Variants in KCNMA1 observed in about 807,000 individuals in gnomAD.
The protein encoded by KCNMA1 is potassium calcium-activated channel subfamily M alpha 1.
In KCNMA1, 29 loss-of-function variants were observed where a neutral mutation model predicts 140.0. That is an observed-to-expected ratio of 0.21 (90% confidence interval 0.15 to 0.28). The LOEUF (loss-of-function observed/expected upper bound fraction) is 0.28, where lower values mean the gene tolerates loss of function less well. Ranked by LOEUF, KCNMA1 falls within the 10% of genes least tolerant of loss-of-function variation. The pLI, the probability that KCNMA1 is intolerant of heterozygous loss-of-function variation, is 1.00. For missense variants in KCNMA1, 880 were observed against 1,602.2 expected, an observed-to-expected ratio of 0.55 and a Z score of 7.70; for synonymous variants, 612 against 611.9, an observed-to-expected ratio of 1.00 and a Z score of 0.00.
chr10:76,892,044 T>G (rs1338667477), intron 25 of KCNMA1, among the ~76,000 whole-genome samples: 1 of 152,166 alleles, frequency 6.6e-6, no homozygotes, highest in Non-Finnish European at 1.5e-5. Context: ...TCCTAAAGTC[T>G]ACGTGACTAC....
chr10:77,412,670 C>T lies in KCNMA1; in HGVS notation c.379-8647G>A, dbSNP rs190002275. Among the ~76,000 whole-genome samples, 8 of 152,248 alleles carry T rather than the reference C, an allele frequency of 5.3e-5. No individual in the cohort carries two copies. The East Asian group carries it at 1.5e-3, about 29-fold the overall frequency. ...TGAGGTGCCCCAGGGGGGCTGGTTA[C>T]CAAGGGAGGGCAGAGGAGGCAGGGC... is the stretch of plus-strand genomic sequence containing the variant. On this transcript the variant is annotated intron_variant, in intron 1 of 27. Transcript: ENST00000286628.
intron 19 of KCNMA1, among the ~76,000 whole-genome samples, chr10:76,989,284 C>T (rs775309779): frequency 1.4e-4 from 22 of 152,124 alleles, no homozygotes; most frequent in Admixed American, 6.6e-4. Context: ...TGTCCCTGTG[C>T]GCCCAGTTCC....
At chr10:77,121,719 G>A (rs751527938) in intron 5 of KCNMA1, among the ~76,000 whole-genome samples, 1 of 152,180 alleles carries the variant, frequency 6.6e-6, no homozygotes, top group Non-Finnish European at 1.5e-5. Context: ...AGAAGCATCA[G>A]TGTTTAGGTG....
At chr10:77,317,383 T>C (rs1232514472) in intron 2 of KCNMA1, among the ~76,000 whole-genome samples, 1 of 152,186 alleles carries the variant, frequency 6.6e-6, no homozygotes, top group Non-Finnish European at 1.5e-5. Context: ...TTGATATTCT[T>C]TTGTGGTTAC....
chr10:77,090,256 A>T, intron 10 of KCNMA1, 144 bp downstream of exon 10: 1 of 722,688 alleles, frequency 1.4e-6, no homozygotes, highest in Non-Finnish European at 2.6e-6. Context: ...TTCTCCAACG[A>T]GGCCAAAAGG....
chr10:77,053,974 G>A (rs1193436513), intron 14 of KCNMA1, among the ~76,000 whole-genome samples: 1 of 152,044 alleles, frequency 6.6e-6, no homozygotes, highest in Non-Finnish European at 1.5e-5. Context: ...TCCTTGCCCT[G>A]TCCCATCCTG....
At chr10:77,164,771 C>T (rs974403690) in intron 5 of KCNMA1, among the ~76,000 whole-genome samples, 1 of 152,166 alleles carries the variant, frequency 6.6e-6, no homozygotes, top group African/African-American at 2.4e-5. Flanking sequence ...CAGCTACTAT[C>T]AGGATCCCTC....
At chr10:77,416,282 G>A (rs2096740441) in intron 1 of KCNMA1, among the ~76,000 whole-genome samples, 1 of 152,128 alleles carries the variant, frequency 6.6e-6, no homozygotes, top group Admixed American at 6.5e-5. Flanking sequence ...TCTCAGGGCT[G>A]GAGGAGCTCT....
At chr10:77,575,269 C>T (rs1480789819) in intron 1 of KCNMA1, among the ~76,000 whole-genome samples, 1 of 152,158 alleles carries the variant, frequency 6.6e-6, no homozygotes, top group Non-Finnish European at 1.5e-5. Flanking sequence ...AGGTAAGCCC[C>T]AGAATTAAGC....
chr10:77,119,575 G>T (rs898889104), intron 6 of KCNMA1, among the ~76,000 whole-genome samples: 3 of 152,068 alleles, frequency 2.0e-5, no homozygotes, highest in African/African-American at 4.8e-5. Context: ...TTCATTGATC[G>T]TTTACATTTC....
intron 21 of KCNMA1, among the ~76,000 whole-genome samples, chr10:76,953,329 G>A (rs1006612419): frequency 1.3e-5 from 2 of 152,186 alleles, no homozygotes; most frequent in Non-Finnish European, 2.9e-5. Context: ...TTTAATAATA[G>A]TAAGAATAAG....
chr10:77,560,183 CA>C (rs1480772398), intron 1 of KCNMA1, among the ~76,000 whole-genome samples: 1 of 152,060 alleles, frequency 6.6e-6, no homozygotes, highest in Non-Finnish European at 1.5e-5. Flanking sequence ...ACTCTGTCAA[CA>C]AAAACAAAAC....
At chr10:77,145,432 A>G (rs370604750) in intron 5 of KCNMA1, among the ~76,000 whole-genome samples, 2 of 152,160 alleles carry the variant, frequency 1.3e-5, no homozygotes, top group Non-Finnish European at 2.9e-5. Context: ...TCCAAAAAAA[A>G]CTGTCATAAA....
chr10:77,392,047 T>A (rs1206244910), intron 2 of KCNMA1, among the ~76,000 whole-genome samples: 1 of 150,026 alleles, frequency 6.7e-6, no homozygotes, highest in African/African-American at 2.5e-5. Context: ...AATACAGACA[T>A]TTCATTTCCT....
At chr10:77,550,671 G>A (rs1029663073) in intron 1 of KCNMA1, among the ~76,000 whole-genome samples, 45 of 152,216 alleles carry the variant, frequency 3.0e-4, no homozygotes, top group African/African-American at 1.0e-3. Context: ...AAGGCTTGGG[G>A]GAGTGGCAAG....
rs1206592048 is a variant in KCNMA1, at chr10:76,884,897, T to C, written c.*2369A>G. 1 of 1,437,444 alleles carries C rather than the reference T, an allele frequency of 7.0e-7. No homozygotes were observed. Among genetic ancestry groups the C allele is most frequent in the Non-Finnish European group, 9.1e-7 (1 of 1,093,646 alleles). 89.0% of individuals were successfully genotyped at this position (1,437,444 alleles called of 1,614,324 possible). The stretch of plus-strand genomic sequence containing the variant: ...CAGAATAAAATTTGTAACTCCTTTT[T>C]TTTTAATTTCACAAAAGTTTTCACA... On this transcript the variant is annotated 3_prime_UTR_variant, in exon 28 of 28. Transcript: ENST00000286628.
intron 14 of KCNMA1, among the ~76,000 whole-genome samples, chr10:77,062,280 T>C (rs1216545095): frequency 2.0e-5 from 3 of 152,204 alleles, no homozygotes. Flanking sequence ...TCCACTCGAA[T>C]TGCTTGAGTT....
chr10:77,414,825 G>A (rs1377683715), intron 1 of KCNMA1, among the ~76,000 whole-genome samples: 1 of 152,120 alleles, frequency 6.6e-6, no homozygotes, highest in Non-Finnish European at 1.5e-5. Context: ...AGAGAGATTG[G>A]GTAATTTTCC....
At chr10:77,628,297 A>G (rs1228569045) in intron 1 of KCNMA1, among the ~76,000 whole-genome samples, 1 of 152,198 alleles carries the variant, frequency 6.6e-6, no homozygotes, top group East Asian at 1.9e-4. Flanking sequence ...ACTCTTTTGC[A>G]AAAGACATCA....
Sources: gnomAD v4.1 joint callset for allele counts (sites outside exome capture counted in the v4.1 genomes callset) on GRCh38, gnomAD v4.1.1 for gene constraint, MANE v1.5 for transcripts, NCBI Gene and HGNC (gene_info 2026-07-23, HGNC 2026-07-21) for gene names.